The following ZSWIM2 variants were observed in gnomAD, a reference collection of about 807,000 sequenced individuals.
ZSWIM2 encodes E3 ubiquitin-protein ligase ZSWIM2.
ZSWIM2 carries 38 observed loss-of-function variants against 48.4 expected under a neutral mutation model. That is an observed-to-expected ratio of 0.79 (90% CI 0.61 to 1.03). The LOEUF is 1.03. Among genes scored for constraint, ZSWIM2 ranks in the 50% least tolerant of loss-of-function variants. The pLI, the probability that ZSWIM2 is intolerant of heterozygous loss-of-function variation, is 0.00. For synonymous variants in ZSWIM2, 240 were observed against 251.3 expected, an observed-to-expected ratio of 0.96 and a Z score of 0.42; for missense variants, 776 against 730.2, an observed-to-expected ratio of 1.06 and a Z score of -0.72.
In ZSWIM2 at chr2:186,842,552, C is replaced by T. The variant is rs1294791235; in HGVS notation, c.283+2165G>A. Among the ~76,000 whole-genome samples the T allele has an allele frequency of 9.2e-5, 14 of 151,404 alleles. No individual in the cohort carries two copies. The South Asian group carries it at 2.7e-3, about 29-fold the overall frequency. ...ATACAATGTAATATATTAAATTGAT[C>T]AATACAAAATTGCTGTGTTTGCAGA... On this transcript the variant is annotated intron_variant, in intron 3 of 8. Coordinates refer to ENST00000295131, the MANE Select transcript of ZSWIM2 (RefSeq NM_182521.3).
chr2:186,838,865 A>T, intron 4 of ZSWIM2, 94 bp downstream of exon 4: 1 of 1,098,132 alleles, frequency 9.1e-7, no homozygotes, highest in Non-Finnish European at 1.3e-6. Flanking sequence ...AAAGTTGTCT[A>T]TTTTTTCCCT....
At chr2:186,836,827 CA>C (rs1373056522) in intron 5 of ZSWIM2, among the ~76,000 whole-genome samples, 1 of 152,056 alleles carries the variant, frequency 6.6e-6, no homozygotes, top group African/African-American at 2.4e-5. Context: ...TGAAATAAAA[CA>C]AAACCTGTAC....
In ZSWIM2 at chr2:186,849,139, C is replaced by T. The variant is rs6725956; in HGVS notation, c.-9G>A. The T allele has an allele frequency of 1.2e-6, 2 of 1,601,362 alleles. No homozygotes were observed. The highest frequency in any genetic ancestry group is 1.7e-6 in the Non-Finnish European group (2 of 1,171,856). ...TAGCCTCGGCGAAGCATGCTGGGTG[C>T]GGGCGGAGGCGGCCCCTCTGCTCGG... is the stretch of plus-strand genomic sequence containing the variant. On this transcript the variant is annotated 5_prime_UTR_variant, in exon 1 of 9. Coordinates refer to ENST00000295131, the MANE Select transcript of ZSWIM2 (RefSeq NM_182521.3).
At chr2:186,848,868 A>G in intron 1 of ZSWIM2, 98 bp downstream of exon 1, 1 of 1,495,086 alleles carries the variant, frequency 6.7e-7, no homozygotes, top group Non-Finnish European at 9.2e-7. Flanking sequence ...AAGTATCCGC[A>G]GAGATTGTGA....
At chr2:186,840,303 G>T (rs1268140310) in intron 3 of ZSWIM2, among the ~76,000 whole-genome samples, 1 of 151,612 alleles carries the variant, frequency 6.6e-6, no homozygotes, top group Non-Finnish European at 1.5e-5. Flanking sequence ...AAATACTGAA[G>T]AATAAAATTT....
intron 2 of ZSWIM2, among the ~76,000 whole-genome samples, chr2:186,845,723 T>A (rs1014444525): frequency 3.3e-5 from 5 of 151,594 alleles, no homozygotes; most frequent in Non-Finnish European, 7.4e-5. Context: ...GATTTGTATT[T>A]AAGCTTAAGG....
intron 3 of ZSWIM2, among the ~76,000 whole-genome samples, chr2:186,843,043 G>A (rs1357166903): frequency 6.6e-6 from 1 of 151,504 alleles, no homozygotes; most frequent in East Asian, 1.9e-4. Flanking sequence ...ATTACACGTT[G>A]ACACAATAAT....
intron 3 of ZSWIM2, among the ~76,000 whole-genome samples, chr2:186,841,352 A>ATTTT (rs1553517557): frequency 1.3e-5 from 2 of 151,080 alleles, no homozygotes; most frequent in Non-Finnish European, 3.0e-5. Context: ...TGCTGTTAAT[A>ATTTT]TCTTTGTATG....
At position 186,833,557 on chromosome 2, in the gene ZSWIM2, G is replaced by A. The variant is rs539612617; in HGVS notation, c.829-325C>T. ...GTACGGTTTAAATTATCCCAGTAAAGTTCCATGTTTCATTATTGCTTATGT... is the reference window on the plus strand; with the variant it reads ...GTACGGTTTAAATTATCCCAGTAAAATTCCATGTTTCATTATTGCTTATGT... On this transcript the variant is annotated intron_variant, in intron 6 of 8. Coordinates refer to ENST00000295131, the MANE Select transcript of ZSWIM2 (RefSeq NM_182521.3). Among the ~76,000 whole-genome samples, 7 of 152,204 alleles carry A rather than the reference G, an allele frequency of 4.6e-5. No individual in the cohort carries two copies. The South Asian group carries it at 1.5e-3, about 32-fold the overall frequency.
chr2:186,832,871 A>T (rs1341466237), intron 7 of ZSWIM2, among the ~76,000 whole-genome samples: 2 of 152,174 alleles, frequency 1.3e-5, no homozygotes, highest in African/African-American at 4.8e-5. Flanking sequence ...GATGAGGAAA[A>T]TGTGGCAGAT....
chr2:186,844,389 C>T (rs779278486), intron 3 of ZSWIM2, among the ~76,000 whole-genome samples: 12 of 151,562 alleles, frequency 7.9e-5, no homozygotes, highest in Non-Finnish European at 1.6e-4. Flanking sequence ...ATTTTTCTCA[C>T]AATTAAAATA....
chr2:186,830,953 C>T (rs576727994), intron 7 of ZSWIM2, among the ~76,000 whole-genome samples: 49 of 152,252 alleles, frequency 3.2e-4, no homozygotes, highest in Admixed American at 2.0e-3. Flanking sequence ...GATATATCCT[C>T]ACCATATTAC....
chr2:186,846,806 C>CATATATATATATATATATATATATAT (rs1388154833), intron 2 of ZSWIM2, among the ~76,000 whole-genome samples: 91 of 43,240 alleles, frequency 2.1e-3, no homozygotes, highest in African/African-American at 8.1e-3. Context: ...TACACACACA[C>CATATATATATATATATATATATATAT]ACACATATAT....
At chr2:186,833,300 A>T in intron 6 of ZSWIM2, 68 bp from the exon 7 acceptor site, 2 of 708,842 alleles carry the variant, frequency 2.8e-6, no homozygotes, top group South Asian at 2.0e-5. Flanking sequence ...GAGAAAAATT[A>T]GTTGGTTGCG....
rs959628101 is a variant in ZSWIM2, at chr2:186,828,563, T to A, written c.1323A>T (p.Leu441Phe). Reference protein sequence around the residue: ...LVLKQNRLGILPSIPQCNFDE... With the variant: ...LVLKQNRLGIFPSIPQCNFDE... Reference sequence around the variant, plus strand: ...CAAAATTACACTGAGGTATGCTAGGTAAAATTCCAAGTCTATTTTGTTTTA... The same window carrying A: ...CAAAATTACACTGAGGTATGCTAGGAAAAATTCCAAGTCTATTTTGTTTTA... Residue 441 changes from leucine (L) to phenylalanine (F), a missense_variant, in exon 9 of 9, where the codon TTA (leucine) becomes TTT (phenylalanine). Leu to Phe is a conservative substitution (Grantham distance 22). Coordinates refer to ENST00000295131, the MANE Select transcript of ZSWIM2 (RefSeq NM_182521.3). The A allele has an allele frequency of 1.2e-6, 2 of 1,613,060 alleles. No individual in the cohort carries two copies. Among genetic ancestry groups the A allele is most frequent in the Non-Finnish European group, 8.5e-7 (1 of 1,179,452 alleles).
rs1017478650 is a variant in ZSWIM2 at position 186,839,854 on chromosome 2, A to C, written c.284-685T>G. Among the ~76,000 whole-genome samples the C allele has an allele frequency of 2.6e-5, 4 of 151,572 alleles. No homozygotes were observed. The Admixed American group carries it at 2.6e-4, about 10-fold the overall frequency. On this transcript the variant is annotated intron_variant, in intron 3 of 8. Coordinates refer to ENST00000295131, the MANE Select transcript of ZSWIM2 (RefSeq NM_182521.3). ...AAGTGCCTATAGTATTGATCAGGGA[A>C]TCCTAGATTCTTCATTCCTTGGCCC...
intron 4 of ZSWIM2, 118 bp from the exon 5 acceptor site, chr2:186,837,672 T>G (rs1691822998): frequency 3.2e-6 from 1 of 315,262 alleles, no homozygotes; most frequent in African/African-American, 2.3e-5. Flanking sequence ...TGCTACCATC[T>G]TTATTCCACA....
intron 8 of ZSWIM2, among the ~76,000 whole-genome samples, 156 bp downstream of exon 8, chr2:186,829,571 A>T (rs1369742839): frequency 1.3e-5 from 2 of 152,182 alleles, no homozygotes; most frequent in Admixed American, 6.6e-5. Context: ...TGCCTTCTCG[A>T]TAGTCTCTGT....
chr2:186,837,631 A>AT (rs58574284), intron 4 of ZSWIM2, 77 bp from the exon 5 acceptor site: 3 of 387,374 alleles, frequency 7.7e-6, no homozygotes, highest in Non-Finnish European at 7.3e-6. Flanking sequence ...TATATATATT[A>AT]TATATATATT....
Sources: allele counts gnomAD v4.1 joint callset (sites outside exome capture counted in the v4.1 genomes callset), GRCh38; gene constraint gnomAD v4.1.1; transcripts MANE v1.5; gene names NCBI Gene and HGNC (gene_info 2026-07-23, HGNC 2026-07-21).